The following ADAMTSL3 variants were observed in gnomAD, a reference collection of about 807,000 sequenced individuals.
ADAMTSL3 encodes the protein ADAMTS like 3.
ADAMTSL3 carries 128 observed loss-of-function variants against 201.7 expected under a neutral mutation model. The ratio of observed to expected loss-of-function variants is 0.63; its 90% confidence interval spans 0.55 to 0.73. The LOEUF (loss-of-function observed/expected upper bound fraction) is 0.73. Ranked by LOEUF, ADAMTSL3 falls within the 30% of genes least tolerant of loss-of-function variation. The pLI, the probability that ADAMTSL3 is intolerant of heterozygous loss-of-function variation, is 0.00. For synonymous variants in ADAMTSL3, 738 were observed against 748.4 expected (o/e 0.99, Z 0.23); for missense variants, 1,990 against 2,119.6 (o/e 0.94, Z 1.20).
intron 15 of ADAMTSL3, among the ~76,000 whole-genome samples, chr15:83,905,803 C>G (rs1414197694): frequency 6.6e-6 from 1 of 152,094 alleles, no homozygotes; most frequent in South Asian, 2.1e-4. Context: ...GTCAAATTTC[C>G]TTTTAGAGAG....
intron 17 of ADAMTSL3, among the ~76,000 whole-genome samples, chr15:83,929,115 G>A (rs891334420): frequency 6.6e-6 from 1 of 152,178 alleles, no homozygotes; most frequent in Non-Finnish European, 1.5e-5. Flanking sequence ...GTTGCAAAAT[G>A]ACTGTGTGTG....
chr15:83,696,915 T>C (rs1356273746), intron 2 of ADAMTSL3, among the ~76,000 whole-genome samples: 1 of 152,170 alleles, frequency 6.6e-6, no homozygotes, highest in East Asian at 1.9e-4. Flanking sequence ...AGTTGGGTTC[T>C]CAATCCAGAG....
intron 19 of ADAMTSL3, among the ~76,000 whole-genome samples, chr15:83,947,536 A>G (rs1218449807): frequency 6.6e-6 from 1 of 152,232 alleles, no homozygotes; most frequent in African/African-American, 2.4e-5. Context: ...TCTGTGATCC[A>G]CATACCCCTT....
At chr15:83,862,903 C>G (rs1399084237) in intron 8 of ADAMTSL3, 1 of 151,830 alleles carries the variant, frequency 6.6e-6, no homozygotes, top group Non-Finnish European at 1.5e-5. Context: ...CACATAGGCT[C>G]AAAATAAAGG....
chr15:83,893,009 C>T, intron 13 of ADAMTSL3, 121 bp downstream of exon 13: 1 of 937,546 alleles, frequency 1.1e-6, no homozygotes, highest in Non-Finnish European at 1.6e-6. Flanking sequence ...GAGCATGGTT[C>T]CTACTCCAAA....
At chr15:83,889,966 T>A (rs2065471534) in intron 10 of ADAMTSL3, 143 bp from the exon 11 acceptor site, 6 of 780,314 alleles carry the variant, frequency 7.7e-6, no homozygotes, top group Non-Finnish European at 1.2e-5. Context: ...AGCTCCCATG[T>A]GGTTCTGTTA....
Position 83,899,733 on chromosome 15 carries a change from TGA to T in ADAMTSL3, c.1700+4_1700+5del. 6.2e-7 allele frequency: 1 copy of T among 1,610,210 alleles called. No individual in the cohort carries two copies. Among genetic ancestry groups the T allele is most frequent in the Non-Finnish European group, 8.5e-7 (1 of 1,177,696 alleles). Reference sequence around the variant, plus strand: ...CAGAATAGCAACAGAAGAACCAACGTGAGTCCAGGACCTTTTGTAGGAATAAT... The same window carrying T: ...CAGAATAGCAACAGAAGAACCAACGTGTCCAGGACCTTTTGTAGGAATAAT... On this transcript the variant is annotated splice_donor_region_variant and intron_variant, in intron 15 of 29. Transcript: ENST00000286744.
At chr15:83,830,964 G>A (rs1038741155) in intron 6 of ADAMTSL3, among the ~76,000 whole-genome samples, 1 of 152,154 alleles carries the variant, frequency 6.6e-6, no homozygotes, top group Non-Finnish European at 1.5e-5. Context: ...TTGCCAAGTG[G>A]GTGGGTGGGT....
chr15:83,698,776 A>C (rs1487684489), intron 2 of ADAMTSL3, among the ~76,000 whole-genome samples: 1 of 152,132 alleles, frequency 6.6e-6, no homozygotes, highest in African/African-American at 2.4e-5. Context: ...GAAAAACTGC[A>C]CCATAACTAC....
intron 28 of ADAMTSL3, among the ~76,000 whole-genome samples, chr15:84,032,117 T>C (rs376074174): frequency 3.9e-5 from 6 of 152,338 alleles, no homozygotes; most frequent in East Asian, 3.9e-4. Context: ...ATCACTCACT[T>C]ACTGTGTGAC....
At position 84,021,528 on chromosome 15, in the gene ADAMTSL3, G is replaced by T. The variant is rs1464145650; in HGVS notation, c.4392G>T (p.Leu1464=). The T allele has an allele frequency of 6.2e-7, 1 of 1,614,180 alleles. No homozygotes were observed. The change falls in exon 26 of 30, where the codon CTG becomes CTT. Residue 1464 remains leucine (L), a synonymous_variant. Coordinates refer to ENST00000286744, the MANE Select transcript of ADAMTSL3 (RefSeq NM_207517.3). ...MANGQEVSEA[L]CDHLQKPLAG... is the part of the protein sequence containing the mutation. The stretch of plus-strand genomic sequence containing the variant: ...ATGGGCAGGAAGTGAGTGAGGCCCT[G>T]TGTGATCACCTCCAGAAGCCACTGG...
At chr15:84,025,667 A>G in intron 27 of ADAMTSL3, 1 of 436,046 alleles carries the variant, frequency 2.3e-6, no homozygotes, top group South Asian at 2.8e-5. Context: ...CAGTGATGCC[A>G]TAACAGAAGC....
At chr15:84,012,137 T>C (rs1259976386) in intron 23 of ADAMTSL3, among the ~76,000 whole-genome samples, 1 of 152,234 alleles carries the variant, frequency 6.6e-6, no homozygotes, top group Non-Finnish European at 1.5e-5. Flanking sequence ...ATTGGTTTTC[T>C]ATTGCTGCTG....
intron 9 of ADAMTSL3, among the ~76,000 whole-genome samples, chr15:83,882,920 G>A (rs755533192): frequency 1.3e-5 from 2 of 151,856 alleles, no homozygotes; most frequent in Admixed American, 6.6e-5. Context: ...AGAGACTTCT[G>A]TCTTTCTTAA....
chr15:83,890,476 T>A (rs900910391), intron 11 of ADAMTSL3, among the ~76,000 whole-genome samples: 2 of 152,208 alleles, frequency 1.3e-5, no homozygotes, highest in African/African-American at 2.4e-5. Context: ...TAAGTTTTTT[T>A]ATAATGAACC....
At chr15:83,699,776 T>A (rs948884016) in intron 2 of ADAMTSL3, among the ~76,000 whole-genome samples, 2 of 152,206 alleles carry the variant, frequency 1.3e-5, no homozygotes, top group Non-Finnish European at 2.9e-5. Flanking sequence ...GCTCTTCTTT[T>A]GCCGGTAATA....
intron 23 of ADAMTSL3, among the ~76,000 whole-genome samples, chr15:84,006,899 G>T (rs2067905235): frequency 6.6e-6 from 1 of 152,194 alleles, no homozygotes; most frequent in Non-Finnish European, 1.5e-5. Context: ...GGGACTTACG[G>T]AGTTTGAGGT....
chr15:83,763,679 G>T (rs1166731464), intron 3 of ADAMTSL3, among the ~76,000 whole-genome samples: 1 of 151,900 alleles, frequency 6.6e-6, no homozygotes, highest in Non-Finnish European at 1.5e-5. Context: ...TAATTTTTTT[G>T]TATATTTAGT....
rs1185192440 is a variant in ADAMTSL3, at chr15:83,890,194, T to C, written c.1158T>C (p.Asn386=). The C allele has an allele frequency of 3.1e-6, 5 of 1,614,032 alleles. No homozygotes were observed. Among genetic ancestry groups the C allele is most frequent in the Non-Finnish European group, 4.2e-6 (5 of 1,179,932 alleles). ...PDHYCHYYPE[N]VKPKPKLKEC... ...ATTATTGTCACTACTACCCTGAAAA[T>C]GTAAAACCAAAACCAAAACTGAAGG... The change falls in exon 11 of 30, where the codon AAT becomes AAC. Residue 386 remains asparagine (N), a synonymous_variant. Transcript: ENST00000286744.
Sources: allele counts gnomAD v4.1 joint callset (sites outside exome capture counted in the v4.1 genomes callset), GRCh38; gene constraint gnomAD v4.1.1; transcripts MANE v1.5; gene names NCBI Gene and HGNC (gene_info 2026-07-23, HGNC 2026-07-21).